The following ISG20 variants were observed in gnomAD, a reference collection of about 807,000 sequenced individuals.
ISG20 encodes the protein interferon stimulated exonuclease gene 20, also known as interferon-stimulated gene 20 kDa protein.
A neutral mutation model predicts 11.1 loss-of-function variants in ISG20; 8 were observed. The observed-to-expected ratio is 0.72, with a 90% confidence interval of 0.42 to 1.30. The LOEUF is 1.30. Ranked by LOEUF, ISG20 falls within the 50% of genes most tolerant of loss-of-function variation. ISG20 has a pLI of 0.01. For missense variants in ISG20, 243 were observed against 250.2 expected, an observed-to-expected ratio of 0.97 and a Z score of 0.19; for synonymous variants, 110 against 101.7, an observed-to-expected ratio of 1.08 and a Z score of -0.49.
intron 2 of ISG20, chr15:88,646,769 C>G (rs892857997): frequency 2.0e-5 from 3 of 152,328 alleles, no homozygotes; most frequent in Admixed American, 2.0e-4. Context: ...TTCATGCAGG[C>G]ATTATTTTCT....
chr15:88,644,704 G>A (rs373791531), intron 2 of ISG20, among the ~76,000 whole-genome samples: 21 of 152,260 alleles, frequency 1.4e-4, no homozygotes, highest in East Asian at 7.7e-4. Flanking sequence ...TGAAGAAGAG[G>A]TGGGAGTCTG....
intron 3 of ISG20, among the ~76,000 whole-genome samples, chr15:88,654,336 A>C (rs917343266): frequency 2.6e-5 from 4 of 152,204 alleles, no homozygotes; most frequent in Admixed American, 6.5e-5. Flanking sequence ...CCAAGCCAAA[A>C]AATAAAACTA....
Position 88,650,754 on chromosome 15 carries a change from T to C in ISG20, c.229-1356T>C, listed in dbSNP as rs1488649022. The C allele has an allele frequency of 6.0e-6, 1 of 166,132 alleles. No homozygotes were observed. The highest frequency in any genetic ancestry group is 1.3e-5 in the Non-Finnish European group (1 of 76,666). The allele number at this position is 166,132 out of a possible 1,614,324, so 10.3% of individuals were successfully genotyped here. On this transcript the variant is annotated intron_variant, in intron 2 of 3. Coordinates refer to ENST00000306072, the MANE Select transcript of ISG20 (RefSeq NM_002201.6). The surrounding 1 kb of genome is among the most constrained non-coding windows in gnomAD (Gnocchi z 4.0). ...CCGTGGTCTTTCCAGCATGGTGGCT[T>C]TGGGGTGGCCAGACATTTATTTATT...
At chr15:88,645,863 G>A (rs2058163961) in intron 2 of ISG20, among the ~76,000 whole-genome samples, 1 of 152,220 alleles carries the variant, frequency 6.6e-6, no homozygotes, top group African/African-American at 2.4e-5. Context: ...CACACCATCT[G>A]TCTATTTCCA....
chr15:88,642,816 C>T (rs1454307672), intron 2 of ISG20, among the ~76,000 whole-genome samples: 2 of 151,386 alleles, frequency 1.3e-5, no homozygotes, highest in African/African-American at 4.8e-5. Flanking sequence ...GGGGTTTCAC[C>T]ATGTTGCCAG....
At position 88,651,881 on chromosome 15, in the gene ISG20, T is replaced by A. The variant is rs2058280067; in HGVS notation, c.229-229T>A. ...AACCATTGCTCCTACACAGTTCAGC[T>A]CCTGAAGGAGTCCAGGTGGGCTTTT... On this transcript the variant is annotated intron_variant, in intron 2 of 3. Coordinates refer to ENST00000306072, the MANE Select transcript of ISG20 (RefSeq NM_002201.6). The A allele has an allele frequency of 5.0e-6, 7 of 1,391,444 alleles. No homozygotes were observed. In the South Asian group the frequency reaches 1.1e-4, roughly 21 times the overall value. The allele number at this position is 1,391,444 out of a possible 1,614,324, so 86.2% of individuals were successfully genotyped here.
chr15:88,644,553 G>A (rs935410141), intron 2 of ISG20, among the ~76,000 whole-genome samples: 101 of 101,124 alleles, frequency 1.0e-3, no homozygotes, highest in Non-Finnish European at 1.1e-3. Context: ...AAAAAGAAAA[G>A]ACAAAAAAAA....
At chr15:88,644,882 G>A (rs2058144278) in intron 2 of ISG20, among the ~76,000 whole-genome samples, 1 of 152,222 alleles carries the variant, frequency 6.6e-6, no homozygotes, top group African/African-American at 2.4e-5. Context: ...CAGGGAGAAA[G>A]GAGGCAGTAG....
chr15:88,637,965 G>A (rs879900680), upstream of ISG20, among the ~76,000 whole-genome samples: 10 of 152,202 alleles, frequency 6.6e-5, no homozygotes, highest in Admixed American at 2.0e-4. Context: ...TTTGCATCCA[G>A]TGAACAGTAA....
chr15:88,644,787 G>C (rs1250191495), intron 2 of ISG20, among the ~76,000 whole-genome samples: 1 of 152,158 alleles, frequency 6.6e-6, no homozygotes, highest in Non-Finnish European at 1.5e-5. Context: ...GAGCAGTCAG[G>C]GTGGGCAGTA....
Position 88,639,614 on chromosome 15 carries a change from G to C in ISG20, c.228+20G>C. 1 of 1,597,062 alleles carries C rather than the reference G, an allele frequency of 6.3e-7. No individual in the cohort carries two copies. The highest frequency in any genetic ancestry group is 8.6e-7 in the Non-Finnish European group (1 of 1,165,022). On this transcript the variant is annotated intron_variant, in intron 2 of 3. Coordinates refer to ENST00000306072, the MANE Select transcript of ISG20 (RefSeq NM_002201.6). This position sits in a 1 kb window ranked among gnomAD's most constrained non-coding sequence, Gnocchi z 4.2. ...CTAGAGGTGAGTGAAGGCCCGGCCAGCAGGGGCTTTGGAAATAACCCCTCT... is the reference window on the plus strand; with the variant it reads ...CTAGAGGTGAGTGAAGGCCCGGCCACCAGGGGCTTTGGAAATAACCCCTCT...
In ISG20 at chr15:88,639,643, A is replaced by G. The variant is rs752529947; in HGVS notation, c.228+49A>G. 1.4e-6 allele frequency: 2 copies of G among 1,451,926 alleles called. No individual in the cohort carries two copies. The highest frequency in any genetic ancestry group is 1.9e-6 in the Non-Finnish European group (2 of 1,038,226). The allele number at this position is 1,451,926 out of a possible 1,614,324, so 89.9% of individuals were successfully genotyped here. ...GGGCTTTGGAAATAACCCCTCTCCC[A>G]CTTCCCTGGCCCCTCTTCCCTGGTG... is the stretch of plus-strand genomic sequence containing the variant. On this transcript the variant is annotated intron_variant, in intron 2 of 3. Coordinates refer to ENST00000306072, the MANE Select transcript of ISG20 (RefSeq NM_002201.6). The surrounding 1 kb of genome is among the most constrained non-coding windows in gnomAD (Gnocchi z 4.2).
Position 88,650,545 on chromosome 15 carries a change from A to C in ISG20, c.229-1565A>C. 5 of 1,138,270 alleles carry C rather than the reference A, an allele frequency of 4.4e-6. No individual in the cohort carries two copies. Among genetic ancestry groups the C allele is most frequent in the Non-Finnish European group, 4.7e-6 (4 of 849,746 alleles). The allele number at this position is 1,138,270 out of a possible 1,614,324, so 70.5% of individuals were successfully genotyped here. A position where few individuals can be genotyped will look rare whatever the true frequency, so the allele number is the denominator to read the frequency against. On this transcript the variant is annotated intron_variant, in intron 2 of 3. Coordinates refer to ENST00000306072, the MANE Select transcript of ISG20 (RefSeq NM_002201.6). This position sits in a 1 kb window ranked among gnomAD's most constrained non-coding sequence, Gnocchi z 4.0. The stretch of plus-strand genomic sequence containing the variant: ...ATCACACCAAAACTTACCGGTTCAA[A>C]CAATGTCAATACTTATTTCGCTCGG...
intron 2 of ISG20, chr15:88,649,577 T>C (rs1448008045): frequency 6.5e-6 from 1 of 152,920 alleles, no homozygotes; most frequent in Admixed American, 6.5e-5. Flanking sequence ...ACATGACCCA[T>C]GGCCGCCCAC....
Position 88,655,571 on chromosome 15 carries a change from G to A in ISG20, c.*40G>A, listed in dbSNP as rs1052200764. Reference sequence around the variant, plus strand: ...CGTTCCGCAGGGACTAGAGGCTTTCGGCTTTTTGGGACAGCAACTACCTTG... The same window carrying A: ...CGTTCCGCAGGGACTAGAGGCTTTCAGCTTTTTGGGACAGCAACTACCTTG... On this transcript the variant is annotated 3_prime_UTR_variant, in exon 4 of 4. Coordinates refer to ENST00000306072, the MANE Select transcript of ISG20 (RefSeq NM_002201.6). The A allele has an allele frequency of 1.3e-5, 19 of 1,467,288 alleles. No homozygotes were observed. In the South Asian group the frequency reaches 1.4e-4, roughly 11 times the overall value. The allele number at this position is 1,467,288 out of a possible 1,614,324, so 90.9% of individuals were successfully genotyped here.
chr15:88,642,117 C>T (rs182913063), intron 2 of ISG20, among the ~76,000 whole-genome samples: 8 of 151,880 alleles, frequency 5.3e-5, no homozygotes, highest in East Asian at 3.9e-4. Context: ...TTAGTAGAGA[C>T]GGGGTTTCGC....
Position 88,639,427 on chromosome 15 carries a change from C to A in ISG20, c.61C>A (p.Arg21=), listed in dbSNP as rs761082582. 4.3e-6 allele frequency: 7 copies of A among 1,613,712 alleles called. 1 individual carries two copies. In the South Asian group the frequency reaches 7.7e-5, roughly 18 times the overall value. The change falls in exon 2 of 4, where the codon CGG becomes AGG. Residue 21 remains arginine, a synonymous_variant. Coordinates refer to ENST00000306072, the MANE Select transcript of ISG20 (RefSeq NM_002201.6). The surrounding 1 kb of genome is among the most constrained non-coding windows in gnomAD (Gnocchi z 4.2). ...DCEMVGLGPH[R]ESGLARCSLV... is the part of the protein sequence containing the mutation. ...CGAGATGGTGGGGCTGGGGCCCCACCGGGAGAGTGGCCTGGCTCGTTGCAG... is the reference window on the plus strand; with the variant it reads ...CGAGATGGTGGGGCTGGGGCCCCACAGGGAGAGTGGCCTGGCTCGTTGCAG...
intron 3 of ISG20, 118 bp from the exon 4 acceptor site, chr15:88,655,297 C>G (rs1306373008): frequency 1.1e-6 from 1 of 880,086 alleles, no homozygotes; most frequent in Non-Finnish European, 1.9e-6. Flanking sequence ...TCAAGAGACT[C>G]TCACCCACTG....
At chr15:88,640,247 G>C (rs541190693) in intron 2 of ISG20, among the ~76,000 whole-genome samples, 1 of 152,188 alleles carries the variant, frequency 6.6e-6, no homozygotes, top group Non-Finnish European at 1.5e-5. Flanking sequence ...AGGCGAGCTC[G>C]TCAGTTTCTA....
Sources: gnomAD v4.1 joint callset for allele counts (sites outside exome capture counted in the v4.1 genomes callset) on GRCh38, gnomAD v4.1.1 for gene constraint, Gnocchi (gnomAD v3.1) non-coding constraint, MANE v1.5 for transcripts, NCBI Gene and HGNC (gene_info 2026-07-23, HGNC 2026-07-21) for gene names.